The following EPHA10 variants were observed in gnomAD, a reference collection of about 807,000 sequenced individuals.
EPHA10 encodes the protein EPH receptor A10.
A neutral mutation model predicts 109.7 loss-of-function variants in EPHA10; 120 were observed. The ratio of observed to expected loss-of-function variants is 1.09; its 90% CI spans 0.94 to 1.27. The LOEUF is 1.27. Ranked by LOEUF, EPHA10 falls within the 50% of genes most tolerant of loss-of-function variation. The probability of loss-of-function intolerance (pLI) is 0.00; values close to 1 mark genes in which losing one functional copy is unlikely to be tolerated. For synonymous variants in EPHA10, 640 were observed against 618.9 expected (o/e 1.03, Z -0.51); for missense variants, 1,396 against 1,411.1 (o/e 0.99, Z 0.17).
At chr1:37,727,611 T>G (rs1239489117) in intron 7 of EPHA10, among the ~76,000 whole-genome samples, 1 of 152,232 alleles carries the variant, frequency 6.6e-6, no homozygotes, top group Non-Finnish European at 1.5e-5. Context: ...TAACGGTAAC[T>G]GCACCTTACT....
rs987740145 is a variant in EPHA10 at position 37,764,851 on chromosome 1, C to A, written c.106+110G>T. 30 of 942,348 alleles carry A rather than the reference C, an allele frequency of 3.2e-5. No homozygotes were observed. The East Asian group carries it at 7.5e-4, about 23-fold the overall frequency. 58.4% of individuals were successfully genotyped at this position (942,348 alleles called of 1,614,324 possible). ...TCTTTGCTGCCTGCTTGCTTCAAGC[C>A]CCAATACAGACTCTAGTCTCTCCAA... On this transcript the variant is annotated intron_variant, in intron 1 of 16. Transcript: ENST00000373048. This position sits in a 1 kb window ranked among gnomAD's most constrained non-coding sequence, Gnocchi z 5.8.
intron 5 of EPHA10, among the ~76,000 whole-genome samples, chr1:37,741,832 A>G (rs886709256): frequency 1.3e-5 from 2 of 151,266 alleles, no homozygotes; most frequent in Admixed American, 1.3e-4. Flanking sequence ...GCTGCTTTCG[A>G]GGAAGAGTGC....
downstream of EPHA10, chr1:37,715,902 C>T (rs764786799): frequency 1.2e-5 from 7 of 564,178 alleles, no homozygotes; most frequent in African/African-American, 9.3e-5. Flanking sequence ...CCCCTGTCCT[C>T]GAGGAAGGGG....
intron 5 of EPHA10, among the ~76,000 whole-genome samples, chr1:37,750,440 G>A (rs1646305456): frequency 6.9e-6 from 1 of 144,810 alleles, no homozygotes; most frequent in South Asian, 2.3e-4. Flanking sequence ...CAGTGGAAAT[G>A]GATTAAGAGC....
At chr1:37,726,439 C>T (rs1394504566) in intron 8 of EPHA10, among the ~76,000 whole-genome samples, 1 of 152,198 alleles carries the variant, frequency 6.6e-6, no homozygotes, top group Non-Finnish European at 1.5e-5. Context: ...AGATGTGGCT[C>T]CCCAGCCCGC....
chr1:37,721,570 G>T, intron 11 of EPHA10, 90 bp downstream of exon 11: 1 of 1,331,470 alleles, frequency 7.5e-7, no homozygotes, highest in East Asian at 2.8e-5. Flanking sequence ...GAAGGACCTG[G>T]AGAGGCAGGG....
chr1:37,713,893 C>G (rs761592381), downstream of EPHA10: 1 of 152,184 alleles, frequency 6.6e-6, no homozygotes, highest in Admixed American at 6.5e-5. Flanking sequence ...GTCCCTGATG[C>G]GCGGCATCTC....
Position 37,719,431 on chromosome 1 carries a change from G to GTA in EPHA10, c.2738_2739insTA (p.Leu914ThrfsTer2). 6.2e-7 allele frequency: 1 copy of GTA among 1,613,264 alleles called. No homozygotes were observed. The highest frequency in any genetic ancestry group is 8.5e-7 in the Non-Finnish European group (1 of 1,179,958). On this transcript the variant is annotated frameshift_variant, in exon 15 of 17. Transcript: ENST00000373048. LOFTEE classifies it high-confidence loss of function. Reference sequence around the variant, plus strand: ...GAACGTACCTGGGACAGGTAGTCAGGGCACACTTGGGGGGCTCTGGGTCCT... The same window carrying GTA: ...GAACGTACCTGGGACAGGTAGTCAGGTAGCACACTTGGGGGGCTCTGGGTCCT...
At chr1:37,748,622 G>A (rs544860240) in intron 5 of EPHA10, among the ~76,000 whole-genome samples, 1 of 151,894 alleles carries the variant, frequency 6.6e-6, no homozygotes, top group African/African-American at 2.4e-5. Context: ...ATAAGCAAAT[G>A]AACTCAGCAA....
At position 37,764,314 on chromosome 1, in the gene EPHA10, C is replaced by A. The variant is rs1411307165; in HGVS notation, c.106+647G>T. Among the ~76,000 whole-genome samples, 1 of 152,248 alleles carries A rather than the reference C, an allele frequency of 6.6e-6. No homozygotes were observed. The highest frequency in any genetic ancestry group is 1.5e-5 in the Non-Finnish European group (1 of 68,044). On this transcript the variant is annotated intron_variant, in intron 1 of 16. Transcript: ENST00000373048. This position sits in a 1 kb window ranked among gnomAD's most constrained non-coding sequence, Gnocchi z 5.8. The stretch of plus-strand genomic sequence containing the variant: ...CCTCAGATTCCAGCTCCTCCGGATT[C>A]TGCACCTAGATATGACGCCTCTGGA...
Position 37,754,419 on chromosome 1 carries a change from G to A in EPHA10, c.851-49C>T, listed in dbSNP as rs1569761594. ...GAGGGGGCTCCTCCAGTTTCTCCCC[G>A]CTTTCCTGACTGGCCTGGTTAGGGC... On this transcript the variant is annotated intron_variant, in intron 3 of 16. Transcript: ENST00000373048. The surrounding 1 kb of genome is among the most constrained non-coding windows in gnomAD (Gnocchi z 4.5). The A allele has an allele frequency of 4.7e-6, 6 of 1,268,732 alleles. No individual in the cohort carries two copies. Among genetic ancestry groups the A allele is most frequent in the South Asian group, 3.1e-5 (1 of 32,336 alleles). The allele number at this position is 1,268,732 out of a possible 1,614,324, so 78.6% of individuals were successfully genotyped here.
chr1:37,737,237 C>T lies in EPHA10; in HGVS notation c.1358-1847G>A, dbSNP rs539277257. Among the ~76,000 whole-genome samples, 8 of 152,206 alleles carry T rather than the reference C, an allele frequency of 5.3e-5. No homozygotes were observed. In the South Asian group the frequency reaches 1.7e-3, roughly 32 times the overall value. ...GCCAAGGTGAGAGAATCACTTGAGG[C>T]CAGCATTTTGAGACCAGCCTGGGCA... On this transcript the variant is annotated intron_variant, in intron 5 of 16. Transcript: ENST00000373048.
chr1:37,720,407 T>C lies in EPHA10; in HGVS notation c.2356A>G (p.Ile786Val), dbSNP rs756832284. Residue 786 changes from isoleucine (I) to valine (V), a missense_variant, in exon 13 of 17, where the codon ATC becomes GTC. Ile to Val is a conservative substitution (Grantham distance 29). Coordinates refer to ENST00000373048, the MANE Select transcript of EPHA10 (RefSeq NM_001099439.2). ...VLVSSDLVCK[I>V]SGFGRGPRDR... The stretch of plus-strand genomic sequence containing the variant: ...CGGGGGCCCCGCCCGAAGCCAGAGA[T>C]CTTGCAGACAAGGTCGCTGCTGACC... 3 of 1,613,344 alleles carry C rather than the reference T, an allele frequency of 1.9e-6. No homozygotes were observed. The highest frequency in any genetic ancestry group is 2.2e-5 in the South Asian group (2 of 91,058).
intron 3 of EPHA10, 113 bp downstream of exon 3, chr1:37,761,292 C>T (rs55695553): frequency 0.13 from 200,601 of 1,538,612 alleles, 15,069 homozygotes; most frequent in Admixed American, 0.27. Flanking sequence ...GAGTCCAAGG[C>T]TTCTCCACCG....
downstream of EPHA10, among the ~76,000 whole-genome samples, chr1:37,714,331 G>A (rs1250370761): frequency 1.3e-5 from 2 of 152,188 alleles, no homozygotes; most frequent in African/African-American, 4.8e-5. Flanking sequence ...TGGTCCAAGT[G>A]TGTGTGTGCA....
intron 10 of EPHA10, chr1:37,722,675 G>A (rs1156585801): frequency 2.6e-6 from 1 of 379,254 alleles, no homozygotes; most frequent in Non-Finnish European, 5.1e-6. Context: ...CCCTGATCAT[G>A]CAGCGGGTCA....
chr1:37,760,485 G>A (rs754225643), intron 3 of EPHA10: 74 of 1,045,538 alleles, frequency 7.1e-5, no homozygotes, highest in African/African-American at 8.3e-5. Flanking sequence ...TGTGATCTTC[G>A]TAATCATCTA....
chr1:37,743,682 G>A (rs1646188811), intron 5 of EPHA10, among the ~76,000 whole-genome samples: 1 of 152,020 alleles, frequency 6.6e-6, no homozygotes. Context: ...ATGATACTCA[G>A]TGTAAAATAC....
intron 3 of EPHA10, among the ~76,000 whole-genome samples, chr1:37,759,561 C>T (rs1646415106): frequency 6.6e-6 from 1 of 152,180 alleles, no homozygotes; most frequent in African/African-American, 2.4e-5. Flanking sequence ...CACTGAACAC[C>T]TACCGTATGC....
Sources: gnomAD v4.1 joint callset for allele counts (sites outside exome capture counted in the v4.1 genomes callset) on GRCh38, gnomAD v4.1.1 for gene constraint, Gnocchi (gnomAD v3.1) non-coding constraint, MANE v1.5 for transcripts, NCBI Gene and HGNC (gene_info 2026-07-23, HGNC 2026-07-21) for gene names.